The following EPS8 variants were observed in gnomAD, a reference collection of about 807,000 sequenced individuals.
EPS8 encodes epidermal growth factor receptor kinase substrate 8.
EPS8 carries 42 observed loss-of-function variants against 103.8 expected under a neutral mutation model. The ratio of observed to expected loss-of-function variants is 0.40; its 90% CI spans 0.32 to 0.52. The LOEUF is 0.52. Ranked by LOEUF, EPS8 falls within the 20% of genes least tolerant of loss-of-function variation. The pLI is 0.40. For missense variants in EPS8, 969 were observed against 1,005.1 expected (o/e 0.96, Z 0.49); for synonymous variants, 344 against 344.6 (o/e 1.00, Z 0.02).
intron 8 of EPS8, 95 bp from the exon 9 acceptor site, chr12:15,662,194 A>C (rs770012773): frequency 9.0e-6 from 14 of 1,556,566 alleles, no homozygotes; most frequent in Non-Finnish European, 1.1e-5. Context: ...AAGGAGGACC[A>C]TTTGCCAAAG....
intron 18 of EPS8, among the ~76,000 whole-genome samples, chr12:15,624,996 C>T (rs555895246): frequency 3.9e-5 from 6 of 152,296 alleles, no homozygotes; most frequent in African/African-American, 1.4e-4. Context: ...GCCAAGAAGT[C>T]CTGCCTAAGG....
intron 13 of EPS8, among the ~76,000 whole-genome samples, chr12:15,653,794 T>A (rs1449207481): frequency 1.3e-5 from 2 of 152,194 alleles, no homozygotes; most frequent in Non-Finnish European, 2.9e-5. Context: ...TAGCAAGCAC[T>A]GTGCGCGCGC....
intron 1 of EPS8, among the ~76,000 whole-genome samples, chr12:15,724,507 A>G (rs942651895): frequency 6.6e-6 from 1 of 152,194 alleles, no homozygotes; most frequent in Non-Finnish European, 1.5e-5. Context: ...GACTGTTTAC[A>G]GACATCTCAA....
intron 3 of EPS8, among the ~76,000 whole-genome samples, chr12:15,675,694 T>TCAAA (rs1221435690): frequency 8.5e-5 from 13 of 152,226 alleles, no homozygotes; most frequent in Non-Finnish European, 1.6e-4. Flanking sequence ...CAAAGTTAAC[T>TCAAA]GTAGGTGTTG....
chr12:15,665,597 C>T (rs1005586782), intron 8 of EPS8, 159 bp downstream of exon 8: 1 of 792,068 alleles, frequency 1.3e-6, no homozygotes, highest in African/African-American at 1.8e-5. Context: ...TCCCAAAGCA[C>T]TGGGATTACA....
In EPS8 at chr12:15,704,770, AACAAATG is replaced by A. The variant is rs1946361946; in HGVS notation, c.-21-21805_-21-21799del. Among the ~76,000 whole-genome samples, 2 of 152,332 alleles carry A rather than the reference AACAAATG, an allele frequency of 1.3e-5. No individual in the cohort carries two copies. Among genetic ancestry groups the A allele is most frequent in the African/African-American group, 4.8e-5 (2 of 41,576 alleles). On this transcript the variant is annotated intron_variant, in intron 1 of 20. Coordinates refer to ENST00000281172, the MANE Select transcript of EPS8 (RefSeq NM_004447.6). This position sits in a 1 kb window ranked among gnomAD's most constrained non-coding sequence, Gnocchi z 4.6. The stretch of plus-strand genomic sequence containing the variant: ...TCACAATAATTAGAGAAATCTGAGG[AACAAATG>A]AACTACTGAATGTCTGTGAGCCTAT...
At position 15,789,086 on chromosome 12, in the gene EPS8, A is replaced by C. The variant is rs1947340968; in HGVS notation, c.-22+75T>G. ...GCACCGCTCCGATTCCAGCACACAA[A>C]GGCGGATTTTTAAAATCGAGAAAGT... On this transcript the variant is annotated intron_variant, in intron 1 of 20. Transcript: ENST00000281172. This position sits in a 1 kb window ranked among gnomAD's most constrained non-coding sequence, Gnocchi z 6.1. The C allele has an allele frequency of 6.6e-6, 1 of 152,100 alleles. No homozygotes were observed. The highest frequency in any genetic ancestry group is 2.4e-5 in the African/African-American group (1 of 41,426). 9.4% of individuals were successfully genotyped at this position (152,100 alleles called of 1,614,324 possible).
At chr12:15,662,370 G>A (rs1945621003) in intron 8 of EPS8, 2 of 1,169,280 alleles carry the variant, frequency 1.7e-6, no homozygotes, top group African/African-American at 1.6e-5. Flanking sequence ...TCTTCCCTGA[G>A]TCAGCTACCT....
chr12:15,653,650 T>A (rs1210473692), intron 13 of EPS8, among the ~76,000 whole-genome samples: 1 of 152,200 alleles, frequency 6.6e-6, no homozygotes, highest in African/African-American at 2.4e-5. Flanking sequence ...CAGAGCTACA[T>A]GGCACGAGTT....
chr12:15,710,604 A>G (rs779040013), intron 1 of EPS8, among the ~76,000 whole-genome samples: 20 of 152,308 alleles, frequency 1.3e-4, no homozygotes, highest in Non-Finnish European at 2.4e-4. Context: ...TTTTGTACAC[A>G]CGATTCTGTA....
chr12:15,634,559 A>G (rs190100981), intron 17 of EPS8, among the ~76,000 whole-genome samples: 6 of 152,316 alleles, frequency 3.9e-5, no homozygotes, highest in Non-Finnish European at 8.8e-5. Flanking sequence ...ATTAAAATTG[A>G]ACTGTTCTTA....
chr12:15,743,568 A>G (rs929513341), intron 1 of EPS8, among the ~76,000 whole-genome samples: 1 of 152,216 alleles, frequency 6.6e-6, no homozygotes, highest in African/African-American at 2.4e-5. Context: ...ACAGAGATAT[A>G]GACCAACGGA....
chr12:15,681,876 G>A (rs1279340212), intron 2 of EPS8, among the ~76,000 whole-genome samples: 2 of 151,730 alleles, frequency 1.3e-5, no homozygotes, highest in Non-Finnish European at 2.9e-5. Context: ...CATTTTTTCA[G>A]TGAACATTTT....
intron 1 of EPS8, among the ~76,000 whole-genome samples, chr12:15,711,229 A>G (rs1428657732): frequency 6.6e-6 from 1 of 151,994 alleles, no homozygotes; most frequent in Non-Finnish European, 1.5e-5. Context: ...TAATGAGTTC[A>G]TTTTTGTCAC....
intron 15 of EPS8, among the ~76,000 whole-genome samples, chr12:15,644,720 A>C (rs1945292136): frequency 6.6e-6 from 1 of 151,860 alleles, no homozygotes; most frequent in Non-Finnish European, 1.5e-5. Context: ...AAAAACTGTT[A>C]AATTTAATTT....
chr12:15,641,914 C>T, intron 15 of EPS8, 84 bp from the exon 16 acceptor site: 1 of 575,390 alleles, frequency 1.7e-6, no homozygotes, highest in Non-Finnish European at 2.9e-6. Context: ...AAGCCAAATC[C>T]TACCAGAAAA....
chr12:15,676,787 C>T (rs1188966760), intron 3 of EPS8, among the ~76,000 whole-genome samples: 1 of 152,150 alleles, frequency 6.6e-6, no homozygotes, highest in Non-Finnish European at 1.5e-5. Flanking sequence ...GTTACGGTGT[C>T]AGTGACAATA....
chr12:15,671,684 T>G (rs1214964519), intron 3 of EPS8: 2 of 152,142 alleles, frequency 1.3e-5, no homozygotes, highest in Non-Finnish European at 2.9e-5. Context: ...TGTTACTCTC[T>G]TTTTAAAATT....
At chr12:15,689,068 G>A (rs1285321295) in intron 1 of EPS8, among the ~76,000 whole-genome samples, 1 of 152,010 alleles carries the variant, frequency 6.6e-6, no homozygotes, top group Non-Finnish European at 1.5e-5. Flanking sequence ...AACTTTTCTT[G>A]TTTCAGTAAC....
Sources: allele counts gnomAD v4.1 joint callset (sites outside exome capture counted in the v4.1 genomes callset), GRCh38; gene constraint gnomAD v4.1.1; non-coding constraint Gnocchi (gnomAD v3.1); transcripts MANE v1.5; gene names NCBI Gene and HGNC (gene_info 2026-07-23, HGNC 2026-07-21).